The following THADA variants were observed in gnomAD, a reference collection of about 807,000 sequenced individuals.
The protein encoded by THADA is tRNA (32-2'-O)-methyltransferase regulator THADA.
THADA carries 213 observed loss-of-function variants against 219.8 expected under a neutral mutation model. The ratio of observed to expected loss-of-function variants is 0.97; its 90% confidence interval spans 0.87 to 1.09. The LOEUF (loss-of-function observed/expected upper bound fraction) is 1.09, where lower values mean the gene tolerates loss of function less well. Ranked by LOEUF, THADA falls within the 50% of genes least tolerant of loss-of-function variation. THADA has a pLI of 0.00. For synonymous variants in THADA, 1,018 were observed against 828.9 expected, an observed-to-expected ratio of 1.23 and a Z score of -3.92; for missense variants, 2,956 against 2,311.3, an observed-to-expected ratio of 1.28 and a Z score of -5.72.
At chr2:43,401,205 C>A (rs1359544900) in intron 28 of THADA, among the ~76,000 whole-genome samples, 2 of 152,186 alleles carry the variant, frequency 1.3e-5, no homozygotes, top group African/African-American at 4.8e-5. Flanking sequence ...TTCAATAAAC[C>A]CTTTCCATGT....
chr2:43,515,219 A>T (rs13004091), intron 22 of THADA, among the ~76,000 whole-genome samples: 3 of 3,918 alleles, frequency 7.7e-4, no homozygotes, highest in African/African-American at 6.5e-3. Flanking sequence ...TATATAATAT[A>T]TTATATATAA....
chr2:43,313,267 C>T (rs1677711954), intron 31 of THADA, among the ~76,000 whole-genome samples: 1 of 152,194 alleles, frequency 6.6e-6, no homozygotes, highest in Admixed American at 6.5e-5. Flanking sequence ...AAATGAGAGC[C>T]TGTCTTCTAA....
chr2:43,434,291 A>G (rs1679786576), intron 26 of THADA, among the ~76,000 whole-genome samples: 1 of 152,212 alleles, frequency 6.6e-6, no homozygotes, highest in Non-Finnish European at 1.5e-5. Context: ...ATTGGATCCC[A>G]AGCTCCCACT....
At chr2:43,240,799 G>C (rs865822064) in intron 36 of THADA, among the ~76,000 whole-genome samples, 5 of 152,200 alleles carry the variant, frequency 3.3e-5, no homozygotes, top group African/African-American at 1.2e-4. Context: ...GGGAACATAG[G>C]TGTTTGTGGT....
At chr2:43,543,464 T>A (rs932796372) in intron 20 of THADA, among the ~76,000 whole-genome samples, 1 of 151,138 alleles carries the variant, frequency 6.6e-6, no homozygotes, top group Admixed American at 6.6e-5. Context: ...ACTTCCACAA[T>A]GGTTGAACTA....
chr2:43,470,207 CAAAA>C (rs67659070), intron 26 of THADA, among the ~76,000 whole-genome samples: 4 of 80,694 alleles, frequency 5.0e-5, no homozygotes, highest in Non-Finnish European at 1.1e-4. Context: ...GACCTTGTCT[CAAAA>C]AAAAAAAAAA....
intron 29 of THADA, among the ~76,000 whole-genome samples, chr2:43,375,839 A>G (rs1671308436): frequency 6.6e-6 from 1 of 152,234 alleles, no homozygotes; most frequent in South Asian, 2.1e-4. Flanking sequence ...AAGGAAAATC[A>G]GCCCAGGGCC....
chr2:43,281,989 C>G (rs1673417660), intron 35 of THADA, among the ~76,000 whole-genome samples: 1 of 152,040 alleles, frequency 6.6e-6, no homozygotes, highest in South Asian at 2.1e-4. Context: ...AAGCTGGTCT[C>G]GAACTCCTGG....
Position 43,292,970 on chromosome 2 carries a change from A to C in THADA, c.4682T>G (p.Leu1561Arg). The C allele has an allele frequency of 1.9e-6, 3 of 1,614,036 alleles. No homozygotes were observed. The highest frequency in any genetic ancestry group is 1.6e-4 in the Middle Eastern group (1 of 6,062). The change falls in exon 32 of 38, where the codon CTG (leucine) becomes CGG (arginine). Residue 1561 changes from leucine (L) to arginine (R), a missense_variant. Coordinates refer to ENST00000405975, the MANE Select transcript of THADA (RefSeq NM_022065.5). ...SAFPEVRSLT[L>R]EALLEKFLAA... ...TAAGAACTTTTCCAAGAGGGCTTCC[A>C]GTGTTAGTGAGCGCACTTCAGGGAA...
rs2104196155 is a variant in THADA, at chr2:43,592,021, A to AT, written c.101dup (p.Asn34LysfsTer23). The stretch of plus-strand genomic sequence containing the variant: ...CACAATGTAACAGCAAAGAAGCTAG[A>AT]TTTTTCCCTTCCACATCAGCAAAAG... On this transcript the variant is annotated frameshift_variant, in exon 3 of 38. Transcript: ENST00000405975. LOFTEE classifies it high-confidence loss of function. 6.4e-7 allele frequency: 1 copy of AT among 1,562,184 alleles called. No homozygotes were observed. The highest frequency in any genetic ancestry group is 8.7e-7 in the Non-Finnish European group (1 of 1,151,990).
intron 29 of THADA, among the ~76,000 whole-genome samples, chr2:43,350,685 T>G (rs551424859): frequency 1.3e-5 from 2 of 152,336 alleles, no homozygotes; most frequent in South Asian, 4.1e-4. Context: ...CTCAACCTGG[T>G]CATTCCCCAG....
chr2:43,374,336 C>G (rs1422400056), intron 29 of THADA, among the ~76,000 whole-genome samples: 1 of 152,192 alleles, frequency 6.6e-6, no homozygotes, highest in East Asian at 1.9e-4. Flanking sequence ...GTTCTGAACT[C>G]TGGATCTGCC....
intron 29 of THADA, among the ~76,000 whole-genome samples, chr2:43,347,498 G>A (rs769694372): frequency 7.2e-5 from 11 of 152,138 alleles, no homozygotes; most frequent in Non-Finnish European, 1.6e-4. Context: ...CACATTTTAA[G>A]GGTATTAAAA....
intron 36 of THADA, among the ~76,000 whole-genome samples, chr2:43,250,478 C>T (rs1669702656): frequency 6.6e-6 from 1 of 152,080 alleles, no homozygotes; most frequent in Non-Finnish European, 1.5e-5. Context: ...GTAATGACTG[C>T]ACACGACTGT....
chr2:43,288,331 C>A (rs1199040508), intron 34 of THADA, among the ~76,000 whole-genome samples: 1 of 152,194 alleles, frequency 6.6e-6, no homozygotes, highest in Non-Finnish European at 1.5e-5. Flanking sequence ...GGCATGGGAA[C>A]TGCTTGAAGC....
chr2:43,383,990 A>G (rs1331136398), intron 29 of THADA, among the ~76,000 whole-genome samples: 1 of 152,152 alleles, frequency 6.6e-6, no homozygotes, highest in Non-Finnish European at 1.5e-5. Flanking sequence ...TCCTGGTCTA[A>G]CATACACACA....
At chr2:43,546,494 T>A (rs1409386985) in intron 20 of THADA, among the ~76,000 whole-genome samples, 1 of 152,192 alleles carries the variant, frequency 6.6e-6, no homozygotes, top group Non-Finnish European at 1.5e-5. Flanking sequence ...ATTATTATTG[T>A]GTGGGAGTCT....
chr2:43,403,685 T>C (rs537815224), intron 28 of THADA, among the ~76,000 whole-genome samples: 1 of 152,190 alleles, frequency 6.6e-6, no homozygotes, highest in East Asian at 1.9e-4. Context: ...CTATACCATA[T>C]GCAAAACAGA....
At chr2:43,427,817 G>A (rs1023892767) in intron 28 of THADA, among the ~76,000 whole-genome samples, 1 of 149,238 alleles carries the variant, frequency 6.7e-6, no homozygotes, top group South Asian at 2.1e-4. Flanking sequence ...TTATCCAGGC[G>A]TGGTGGCGGG....
Sources: gnomAD v4.1 joint callset for allele counts (sites outside exome capture counted in the v4.1 genomes callset) on GRCh38, gnomAD v4.1.1 for gene constraint, MANE v1.5 for transcripts, NCBI Gene and HGNC (gene_info 2026-07-23, HGNC 2026-07-21) for gene names.